The following DMTF1 variants were observed in gnomAD, a reference collection of about 807,000 sequenced individuals.
DMTF1 encodes cyclin D binding myb like transcription factor 1.
Under a neutral mutation model 91.1 loss-of-function variants are expected in DMTF1, and 39 were observed. That is an observed-to-expected ratio of 0.43 (90% confidence interval 0.33 to 0.56). DMTF1 has a LOEUF of 0.56. Among genes scored for constraint, DMTF1 ranks in the 20% least tolerant of loss-of-function variants. The pLI is 0.05. For synonymous variants in DMTF1, 338 were observed against 309.5 expected (o/e 1.09, Z -0.97); for missense variants, 750 against 914.5 (o/e 0.82, Z 2.32).
Position 87,172,912 on chromosome 7 carries a change from A to G in DMTF1, c.328-623A>G, listed in dbSNP as rs146821422. On this transcript the variant is annotated intron_variant, in intron 5 of 17. Coordinates refer to ENST00000331242, the MANE Select transcript of DMTF1 (RefSeq NM_001142327.2). ...CTGCATTAAGAATAAGTAGTACCAT[A>G]TAGTTCTTTGAGAGAAAGGTGCATT... Among the ~76,000 whole-genome samples the G allele has an allele frequency of 2.8e-3, 427 of 152,386 alleles. 3 individuals are homozygous for G. The highest frequency in any genetic ancestry group is 8.8e-3 in the African/African-American group (364 of 41,596).
chr7:87,188,068 T>G, intron 12 of DMTF1, 24 bp from the exon 13 acceptor site: 1 of 1,598,110 alleles, frequency 6.3e-7, no homozygotes, highest in Non-Finnish European at 8.6e-7. Context: ...TCAATGTTCT[T>G]TTTGTCTACC....
chr7:87,166,574 T>C lies in DMTF1; in HGVS notation c.201T>C (p.Ser67=). 6.2e-7 allele frequency: 1 copy of C among 1,613,428 alleles called. No individual in the cohort carries two copies. Among genetic ancestry groups the C allele is most frequent in the Non-Finnish European group, 8.5e-7 (1 of 1,179,448 alleles). ...AGGATGATCAGAGTATTGATGATTC[T>C]ACTCCTTGCATATCAGTTGTTGCAC... ...SSEDDQSIDD[S]TPCISVVALP... The change falls in exon 4 of 18, where the codon TCT becomes TCC. Residue 67 remains serine (S), a synonymous_variant. Coordinates refer to ENST00000331242, the MANE Select transcript of DMTF1 (RefSeq NM_001142327.2).
rs1330584113 is a variant in DMTF1 at position 87,181,193 on chromosome 7, GTAT to G, written c.678-112_678-110del. On this transcript the variant is annotated intron_variant, in intron 8 of 17. Coordinates refer to ENST00000331242, the MANE Select transcript of DMTF1 (RefSeq NM_001142327.2). ...CACTTTAAAATGGGTTACTTTAAAA[GTAT>G]TATATGCTAAGTGACTTAACATTCA... 24 of 569,184 alleles carry G rather than the reference GTAT, an allele frequency of 4.2e-5. No homozygotes were observed. The African/African-American group carries it at 4.4e-4, about 10-fold the overall frequency. The allele number at this position is 569,184 out of a possible 1,614,324, so 35.3% of individuals were successfully genotyped here.
At chr7:87,167,262 A>G (rs1480823334) in intron 4 of DMTF1, among the ~76,000 whole-genome samples, 1 of 152,184 alleles carries the variant, frequency 6.6e-6, no homozygotes, top group Non-Finnish European at 1.5e-5. Flanking sequence ...TTTCTATTTC[A>G]AGATCATTTA....
Position 87,194,063 on chromosome 7 carries a change from G to A in DMTF1, c.1989G>A (p.Glu663=). 6.2e-7 allele frequency: 1 copy of A among 1,609,420 alleles called. No homozygotes were observed. The highest frequency in any genetic ancestry group is 8.5e-7 in the Non-Finnish European group (1 of 1,177,952). Residue 663 remains glutamate (E), a synonymous_variant, in exon 16 of 18, where the codon GAG becomes GAA. Transcript: ENST00000331242. ...TCTCTGACACCGACCTTAAACAAGAGGAATCACCCTCTGATTTAGCCAGTG... is the reference window on the plus strand; with the variant it reads ...TCTCTGACACCGACCTTAAACAAGAAGAATCACCCTCTGATTTAGCCAGTG... ...EEISDTDLKQ[E]ESPSDLASAY...
chr7:87,167,383 G>A (rs919472752), intron 4 of DMTF1, among the ~76,000 whole-genome samples: 1 of 152,208 alleles, frequency 6.6e-6, no homozygotes, highest in Non-Finnish European at 1.5e-5. Flanking sequence ...TTAGCAAAGA[G>A]TGTGGAGTGT....
chr7:87,161,736 A>G (rs1000957180), intron 1 of DMTF1, among the ~76,000 whole-genome samples: 2 of 152,228 alleles, frequency 1.3e-5, no homozygotes, highest in Non-Finnish European at 2.9e-5. Context: ...GGGTCCTGAA[A>G]TGATATCATT....
chr7:87,161,475 C>G (rs1028327968), intron 1 of DMTF1, among the ~76,000 whole-genome samples: 1 of 152,162 alleles, frequency 6.6e-6, no homozygotes, highest in Non-Finnish European at 1.5e-5. Context: ...GCACTACAGC[C>G]TGGGCAACAG....
chr7:87,175,311 G>A (rs1431034003), intron 7 of DMTF1, among the ~76,000 whole-genome samples: 3 of 151,810 alleles, frequency 2.0e-5, no homozygotes, highest in Admixed American at 6.6e-5. Context: ...ATGAGCCACC[G>A]CACCCGGCTA....
intron 9 of DMTF1, 145 bp from the exon 10 acceptor site, chr7:87,182,083 C>T (rs1199596666): frequency 6.5e-7 from 1 of 1,540,040 alleles, no homozygotes; most frequent in African/African-American, 1.4e-5. Context: ...AAAAAGGCCA[C>T]ACTTTCAAAC....
intron 1 of DMTF1, chr7:87,153,011 G>A (rs1241394965): frequency 6.5e-6 from 1 of 154,046 alleles, no homozygotes; most frequent in Non-Finnish European, 1.5e-5. Context: ...TACGTTTTCG[G>A]TTTTGTTTTA....
intron 1 of DMTF1, among the ~76,000 whole-genome samples, chr7:87,158,655 C>T (rs1791422520): frequency 1.3e-5 from 2 of 152,124 alleles, no homozygotes; most frequent in South Asian, 2.1e-4. Context: ...TACCACCTAT[C>T]TAGTGATTTA....
At chr7:87,160,518 T>C (rs1325398326) in intron 1 of DMTF1, among the ~76,000 whole-genome samples, 1 of 151,928 alleles carries the variant, frequency 6.6e-6, no homozygotes, top group Non-Finnish European at 1.5e-5. Context: ...CAGGTGATCT[T>C]CCTGCCTCGG....
At chr7:87,162,353 G>A (rs991932758) in intron 1 of DMTF1, among the ~76,000 whole-genome samples, 5 of 152,106 alleles carry the variant, frequency 3.3e-5, no homozygotes, top group African/African-American at 9.7e-5. Context: ...GAGCCACCAC[G>A]CCTGGTGCAG....
intron 1 of DMTF1, among the ~76,000 whole-genome samples, chr7:87,159,394 A>G (rs941215428): frequency 2.6e-5 from 2 of 76,820 alleles, no homozygotes; most frequent in Non-Finnish European, 5.8e-5. Context: ...CTTGTTCATA[A>G]AGCTGTACAC....
In DMTF1 at chr7:87,194,119, GAAC is replaced by G. The variant is rs773121273; in HGVS notation, c.2028+21_2028+23del. On this transcript the variant is annotated intron_variant, in intron 16 of 17. Transcript: ENST00000331242. ...GTTACTGAGGTAAGTTGTACTTTAA[GAAC>G]AACTGAATGGATTCTTGCCTTGAGC... is the stretch of plus-strand genomic sequence containing the variant. 9.1e-6 allele frequency: 14 copies of G among 1,542,196 alleles called. No homozygotes were observed. Among genetic ancestry groups the G allele is most frequent in the Non-Finnish European group, 1.2e-5 (14 of 1,147,546 alleles).
intron 7 of DMTF1, among the ~76,000 whole-genome samples, chr7:87,174,893 C>G (rs929092567): frequency 6.6e-6 from 1 of 152,148 alleles, no homozygotes; most frequent in Non-Finnish European, 1.5e-5. Context: ...AGTTACCACC[C>G]TAAAGTTTAG....
chr7:87,175,053 C>A (rs1179924528), intron 7 of DMTF1, among the ~76,000 whole-genome samples: 1 of 146,176 alleles, frequency 6.8e-6, no homozygotes, highest in Non-Finnish European at 1.5e-5. Flanking sequence ...CAGTCTTGCT[C>A]TGTTGCCCAG....
At chr7:87,160,809 C>G in intron 1 of DMTF1, among the ~76,000 whole-genome samples, 1 of 152,130 alleles carries the variant, frequency 6.6e-6, no homozygotes, top group East Asian at 1.9e-4. Flanking sequence ...TAGGTTTTCT[C>G]CTGCATCTCT....
Sources: gnomAD v4.1 joint callset for allele counts (sites outside exome capture counted in the v4.1 genomes callset) on GRCh38, gnomAD v4.1.1 for gene constraint, MANE v1.5 for transcripts, NCBI Gene and HGNC (gene_info 2026-07-23, HGNC 2026-07-21) for gene names.